The following ACCSL variants were observed in gnomAD, a reference collection of about 807,000 sequenced individuals.
ACCSL encodes probable inactive 1-aminocyclopropane-1-carboxylate synthase-like protein 2.
A neutral mutation model predicts 61.7 loss-of-function variants in ACCSL; 55 were observed. The ratio of observed to expected loss-of-function variants is 0.89; its 90% CI spans 0.72 to 1.12. The LOEUF is 1.12. Ranked by LOEUF, ACCSL falls within the 50% of genes most tolerant of loss-of-function variation. The probability of loss-of-function intolerance (pLI) is 0.00; values close to 1 mark genes in which losing one functional copy is unlikely to be tolerated. For synonymous variants in ACCSL, 258 were observed against 264.3 expected (o/e 0.98, Z 0.23); for missense variants, 632 against 698.0 (o/e 0.91, Z 1.07).
the ACCSL span, chr11:43,943,825 G>A: frequency 7.7e-7 from 1 of 1,300,558 alleles, no homozygotes; most frequent in Non-Finnish European, 1.0e-6. The surrounding 1 kb of genome is among the most constrained non-coding windows in gnomAD (Gnocchi z 4.8). Context: ...TTTTTACCTG[G>A]ATATGTCTGT....
chr11:44,057,901 A>C (rs1411431182), intron 11 of ACCSL, among the ~76,000 whole-genome samples: 7 of 152,240 alleles, frequency 4.6e-5, no homozygotes. Flanking sequence ...TGCAGGGTGC[A>C]GTGGCTAACA....
chr11:44,001,196 A>C, the ACCSL span: 1 of 152,152 alleles, frequency 6.6e-6, no homozygotes, highest in African/African-American at 2.4e-5. Flanking sequence ...ACATAAACAG[A>C]CATACTACCA....
At chr11:43,944,080 C>G in the ACCSL span, 8 of 354,866 alleles carry the variant, frequency 2.3e-5, no homozygotes, top group Admixed American at 3.1e-4. Flanking sequence ...GATCCACCCC[C>G]GGTCCAGTGT....
the ACCSL span, among the ~76,000 whole-genome samples, chr11:43,928,171 G>A: frequency 4.6e-5 from 7 of 151,992 alleles, no homozygotes; most frequent in Non-Finnish European, 1.0e-4. Flanking sequence ...GGGAGACGGT[G>A]GGGGAGGAAG....
At chr11:44,043,795 G>T (rs1952586307), upstream of ACCSL, among the ~76,000 whole-genome samples, 4 of 152,018 alleles carry the variant, frequency 2.6e-5, no homozygotes, top group Admixed American at 2.6e-4. Context: ...ATCTTTAGAG[G>T]TTTTAAATTT....
the ACCSL span, among the ~76,000 whole-genome samples, chr11:43,934,954 G>A: frequency 7.2e-5 from 11 of 152,232 alleles, no homozygotes; most frequent in East Asian, 2.1e-3. Context: ...GGACGATGGG[G>A]GAGGTGGTGC....
intron 2 of ACCSL, 92 bp downstream of exon 2, chr11:44,050,213 C>A: frequency 2.8e-6 from 3 of 1,071,832 alleles, no homozygotes; most frequent in Non-Finnish European, 4.4e-6. Flanking sequence ...AGGGGTGAGA[C>A]ATAGGAGCCT....
At chr11:44,038,526 A>G in the ACCSL span, among the ~76,000 whole-genome samples, 3 of 152,172 alleles carry the variant, frequency 2.0e-5, no homozygotes, top group Non-Finnish European at 4.4e-5. Context: ...GAGAGGCAGC[A>G]TGTGCAAAGG....
chr11:43,964,316 A>G, the ACCSL span, among the ~76,000 whole-genome samples: 4 of 151,990 alleles, frequency 2.6e-5, no homozygotes, highest in Admixed American at 2.6e-4. Context: ...GGGCACCTGT[A>G]GTCCCAGCTA....
chr11:44,043,393 C>T (rs1952584802), upstream of ACCSL, among the ~76,000 whole-genome samples: 1 of 152,186 alleles, frequency 6.6e-6, no homozygotes, highest in Non-Finnish European at 1.5e-5. Context: ...TATTTTCTTT[C>T]AGTACATTGA....
the ACCSL span, among the ~76,000 whole-genome samples, chr11:43,934,339 G>A: frequency 2.0e-5 from 3 of 152,204 alleles, no homozygotes; most frequent in South Asian, 4.1e-4. Context: ...GTGCGCACCA[G>A]TGGGAGGTGA....
chr11:44,010,827 G>A, the ACCSL span, among the ~76,000 whole-genome samples: 1 of 152,190 alleles, frequency 6.6e-6, no homozygotes, highest in Non-Finnish European at 1.5e-5. Context: ...GTATAACTGA[G>A]TCGGGTCTTG....
chr11:44,044,448 AG>A (rs1413116419), upstream of ACCSL, among the ~76,000 whole-genome samples: 8 of 152,150 alleles, frequency 5.3e-5, no homozygotes, highest in African/African-American at 1.9e-4. Context: ...AGGCCTGTCA[AG>A]GGTACTTCTA....
the ACCSL span, among the ~76,000 whole-genome samples, chr11:44,009,148 A>T: frequency 6.6e-6 from 1 of 152,242 alleles, no homozygotes; most frequent in Non-Finnish European, 1.5e-5. Context: ...AGCCTGGGTG[A>T]CAGCGGGAGA....
the ACCSL span, among the ~76,000 whole-genome samples, chr11:44,011,826 A>G: frequency 6.6e-6 from 1 of 152,094 alleles, no homozygotes; most frequent in Non-Finnish European, 1.5e-5. Flanking sequence ...GAGAAGTTAA[A>G]AGAACATTCC....
the ACCSL span, among the ~76,000 whole-genome samples, chr11:44,041,119 C>A: frequency 4.6e-5 from 7 of 152,282 alleles, no homozygotes; most frequent in South Asian, 1.5e-3. Flanking sequence ...TTTTAGCTGT[C>A]TTTGGTAATA....
chr11:44,027,934 G>A, the ACCSL span, among the ~76,000 whole-genome samples: 2 of 152,228 alleles, frequency 1.3e-5, no homozygotes, highest in African/African-American at 4.8e-5. Flanking sequence ...GGAGGCCAAA[G>A]CAGGAGGATT....
chr11:44,030,518 G>A, the ACCSL span, among the ~76,000 whole-genome samples: 1 of 151,760 alleles, frequency 6.6e-6, no homozygotes, highest in Non-Finnish European at 1.5e-5. Flanking sequence ...GCACAGGACT[G>A]CGTCCCTGTG....
the ACCSL span, among the ~76,000 whole-genome samples, chr11:43,931,039 C>T: frequency 6.6e-6 from 1 of 152,220 alleles, no homozygotes; most frequent in Non-Finnish European, 1.5e-5. Context: ...CCTGCTCTGG[C>T]AGGCTGTAGT....
Sources: gnomAD v4.1 joint callset for allele counts (sites outside exome capture counted in the v4.1 genomes callset) on GRCh38, gnomAD v4.1.1 for gene constraint, Gnocchi (gnomAD v3.1) non-coding constraint, MANE v1.5 for transcripts, NCBI Gene and HGNC (gene_info 2026-07-23, HGNC 2026-07-21) for gene names.